The following PPA2 variants were observed in gnomAD, a reference collection of about 807,000 sequenced individuals.
PPA2 encodes the protein inorganic pyrophosphatase 2.
A neutral mutation model predicts 49.5 loss-of-function variants in PPA2; 48 were observed. That is an observed-to-expected ratio of 0.97 (90% CI 0.77 to 1.23). The LOEUF is 1.23. Among genes scored for constraint, PPA2 ranks in the 50% most tolerant of loss-of-function variants. The pLI is 0.00. For missense variants in PPA2, 429 were observed against 410.1 expected, an observed-to-expected ratio of 1.05 and a Z score of -0.40; for synonymous variants, 131 against 139.9, an observed-to-expected ratio of 0.94 and a Z score of 0.45.
intron 7 of PPA2, among the ~76,000 whole-genome samples, chr4:105,416,633 C>T (rs898547269): frequency 6.6e-6 from 1 of 152,180 alleles, no homozygotes; most frequent in Non-Finnish European, 1.5e-5. Context: ...CATTTAATAA[C>T]ATTCATTGTA....
chr4:105,374,694 G>A (rs1248579198), intron 10 of PPA2, among the ~76,000 whole-genome samples: 1 of 151,938 alleles, frequency 6.6e-6, no homozygotes, highest in Non-Finnish European at 1.5e-5. Flanking sequence ...CCAATATAAA[G>A]TATCCTGCTT....
chr4:105,415,135 T>C (rs1443030951), intron 7 of PPA2, among the ~76,000 whole-genome samples: 2 of 152,198 alleles, frequency 1.3e-5, no homozygotes, highest in Non-Finnish European at 2.9e-5. Context: ...CCTTAGGTTC[T>C]CACTCCAGGC....
In PPA2 at chr4:105,438,024, G is replaced by C; in HGVS notation, c.454C>G (p.Pro152Ala). 6.2e-7 allele frequency: 1 copy of C among 1,603,370 alleles called. No individual in the cohort carries two copies. Among genetic ancestry groups the C allele is most frequent in the Non-Finnish European group, 8.5e-7 (1 of 1,176,984 alleles). Residue 152 changes from proline to alanine, a missense_variant, in exon 6 of 12, where the codon CCC (proline) becomes GCC (alanine). Coordinates refer to ENST00000341695, the MANE Select transcript of PPA2 (RefSeq NM_176869.3). ...TTCGTGCTCTTATCTTTTTCATGGG[G>C]ATCTTCCCAAGTCTAAAATTTTTTT... ...YGTLPQTWED[P>A]HEKDKSTNCF...
At chr4:105,427,202 A>G (rs1222052038) in intron 6 of PPA2, among the ~76,000 whole-genome samples, 1 of 152,200 alleles carries the variant, frequency 6.6e-6, no homozygotes, top group Non-Finnish European at 1.5e-5. Flanking sequence ...TAGGTCACCA[A>G]CATCAAAGAC....
intron 1 of PPA2, among the ~76,000 whole-genome samples, chr4:105,458,776 C>T (rs544899215): frequency 1.3e-3 from 186 of 140,340 alleles, no homozygotes; most frequent in African/African-American, 4.9e-3. Flanking sequence ...GAGCCGAAAT[C>T]GCACCACTGC....
At chr4:105,450,214 G>A (rs1722606722) in intron 3 of PPA2, among the ~76,000 whole-genome samples, 1 of 152,126 alleles carries the variant, frequency 6.6e-6, no homozygotes, top group Non-Finnish European at 1.5e-5. Context: ...AGGAAACAAC[G>A]ATGGTTTAAA....
chr4:105,388,855 T>C (rs1415332172), intron 9 of PPA2, among the ~76,000 whole-genome samples: 1 of 148,128 alleles, frequency 6.8e-6, no homozygotes, highest in Non-Finnish European at 1.5e-5. Context: ...AAAAATTAGC[T>C]GTTTTAAGAA....
chr4:105,423,982 GAA>G (rs1723372182), intron 7 of PPA2, among the ~76,000 whole-genome samples: 1 of 152,136 alleles, frequency 6.6e-6, no homozygotes, highest in African/African-American at 2.4e-5. Context: ...GGAAGAAAGT[GAA>G]AGAGAGGTGA....
intron 5 of PPA2, among the ~76,000 whole-genome samples, chr4:105,442,602 C>A (rs986028598): frequency 3.9e-5 from 6 of 152,086 alleles, no homozygotes; most frequent in African/African-American, 1.2e-4. Flanking sequence ...TACATGTGGG[C>A]AATATGAATA....
intron 7 of PPA2, among the ~76,000 whole-genome samples, chr4:105,419,131 GCT>G (rs1723135317): frequency 6.9e-6 from 1 of 144,974 alleles, no homozygotes; most frequent in South Asian, 2.1e-4. Context: ...TGGTCTTAGT[GCT>G]CTGTTTTTTT....
chr4:105,388,386 G>A (rs975797642), intron 9 of PPA2, among the ~76,000 whole-genome samples: 2 of 150,694 alleles, frequency 1.3e-5, no homozygotes, highest in Middle Eastern at 3.4e-3. Flanking sequence ...AAGCCAGCAC[G>A]GTAAAATTTA....
chr4:105,387,165 A>G (rs865984351), intron 9 of PPA2, among the ~76,000 whole-genome samples: 2 of 152,140 alleles, frequency 1.3e-5, no homozygotes, highest in Non-Finnish European at 1.5e-5. Context: ...TTCCCTGACT[A>G]GGGAAGCCTC....
chr4:105,429,092 A>C (rs968442299), intron 6 of PPA2, among the ~76,000 whole-genome samples: 3 of 152,278 alleles, frequency 2.0e-5, no homozygotes, highest in East Asian at 3.9e-4. Context: ...CTAAATCTAC[A>C]AAGGGGATCA....
At chr4:105,370,111 C>A (rs190439143) in intron 11 of PPA2, among the ~76,000 whole-genome samples, 40 of 152,240 alleles carry the variant, frequency 2.6e-4, no homozygotes, top group African/African-American at 9.4e-4. Flanking sequence ...AAAAATGCCC[C>A]AAATGGGATA....
intron 7 of PPA2, among the ~76,000 whole-genome samples, chr4:105,415,006 G>A (rs748192363): frequency 6.6e-6 from 1 of 152,096 alleles, no homozygotes; most frequent in Non-Finnish European, 1.5e-5. Context: ...AGCTCCTAAC[G>A]CAGGCAGGTT....
intron 6 of PPA2, among the ~76,000 whole-genome samples, chr4:105,429,997 C>A (rs149156466): frequency 2.2e-4 from 34 of 152,194 alleles, no homozygotes; most frequent in African/African-American, 7.2e-4. Flanking sequence ...AAGCTGCCAA[C>A]GTCAAGTTTA....
chr4:105,373,547 A>C (rs1316244805), intron 10 of PPA2, among the ~76,000 whole-genome samples: 6 of 152,166 alleles, frequency 3.9e-5, no homozygotes, highest in Admixed American at 3.9e-4. Flanking sequence ...TTTCAGAGGA[A>C]TAAAATGTAC....
chr4:105,460,703 T>C (rs1370594955), intron 1 of PPA2, among the ~76,000 whole-genome samples: 1 of 152,152 alleles, frequency 6.6e-6, no homozygotes, highest in Non-Finnish European at 1.5e-5. Context: ...AAGTTTGTTA[T>C]CATGGGGGTA....
rs993307304 is a variant in PPA2 at position 105,425,723 on chromosome 4, T to TACACATACAC, written c.529-1402_529-1401insGTGTATGTGT. Reference sequence around the variant, plus strand: ...CAGATTGAGAAAGGACACATGCACATACACACACACACACACACACACACA... The same window carrying TACACATACAC: ...CAGATTGAGAAAGGACACATGCACATACACATACACACACACACACACACACACACACACA... On this transcript the variant is annotated intron_variant, in intron 6 of 11. Coordinates refer to ENST00000341695, the MANE Select transcript of PPA2 (RefSeq NM_176869.3). Among the ~76,000 whole-genome samples, 1,102 of 122,488 alleles carry TACACATACAC rather than the reference T, an allele frequency of 9.0e-3. 13 individuals carry two copies. Among genetic ancestry groups the TACACATACAC allele is most frequent in the African/African-American group, 0.032 (1,026 of 31,932 alleles). 80.4% of individuals were successfully genotyped at this position (122,488 alleles called of 152,430 possible). A position where few individuals can be genotyped will look rare whatever the true frequency, so the allele number is the denominator to read the frequency against.
Sources: gnomAD v4.1 joint callset for allele counts (sites outside exome capture counted in the v4.1 genomes callset) on GRCh38, gnomAD v4.1.1 for gene constraint, MANE v1.5 for transcripts, NCBI Gene and HGNC (gene_info 2026-07-23, HGNC 2026-07-21) for gene names.